MSRA: variants seen among roughly 807,000 people sequenced by gnomAD.
The protein encoded by MSRA is mitochondrial peptide methionine sulfoxide reductase.
Under a neutral mutation model 31.3 loss-of-function variants are expected in MSRA, and 54 were observed. That is an observed-to-expected ratio of 1.73 (90% CI 1.39 to 2.17). The LOEUF is 2.17. MSRA is among the 30% of genes most tolerant of loss of function. The pLI, the probability that MSRA is intolerant of heterozygous loss-of-function variation, is 0.00. For missense variants in MSRA, 507 were observed against 300.9 expected, an observed-to-expected ratio of 1.69 and a Z score of -5.07; for synonymous variants, 169 against 116.5, an observed-to-expected ratio of 1.45 and a Z score of -2.90.
intron 1 of MSRA, among the ~76,000 whole-genome samples, chr8:10,150,816 G>T (rs893767788): frequency 6.6e-6 from 1 of 152,136 alleles, no homozygotes; most frequent in African/African-American, 2.4e-5. Flanking sequence ...TCCCTTCCCT[G>T]CACTGCCCAG....
chr8:10,242,196 G>A (rs1797366361), intron 2 of MSRA, among the ~76,000 whole-genome samples: 1 of 151,936 alleles, frequency 6.6e-6, no homozygotes, highest in Non-Finnish European at 1.5e-5. Flanking sequence ...GCTTGAACCC[G>A]GGAGGTGGAG....
rs568272283 is a variant in MSRA at position 10,348,798 on chromosome 8, A to G, written c.543+28809A>G. On this transcript the variant is annotated intron_variant, in intron 5 of 5. Coordinates refer to ENST00000317173, the MANE Select transcript of MSRA (RefSeq NM_012331.5). The stretch of plus-strand genomic sequence containing the variant: ...GATAGGTTGGCAGAATTGGGGATCA[A>G]CAGGTATCTGGGATCTGCAGGGTCT... Among the ~76,000 whole-genome samples the G allele has an allele frequency of 2.0e-5, 3 of 152,322 alleles. No homozygotes were observed. In the South Asian group the frequency reaches 6.2e-4, roughly 32 times the overall value.
intron 5 of MSRA, among the ~76,000 whole-genome samples, chr8:10,349,662 C>T (rs1338022379): frequency 6.6e-6 from 1 of 152,238 alleles, no homozygotes. Flanking sequence ...TTCGTCCCCT[C>T]TGTGCCTAGT....
intron 1 of MSRA, among the ~76,000 whole-genome samples, chr8:10,068,086 G>T (rs1292427206): frequency 6.6e-6 from 1 of 151,992 alleles, no homozygotes; most frequent in African/African-American, 2.4e-5. Context: ...GTTTCGCTGT[G>T]TTTGCCAGGC....
chr8:10,178,318 G>A (rs1252039352), intron 1 of MSRA, among the ~76,000 whole-genome samples: 1 of 152,036 alleles, frequency 6.6e-6, no homozygotes, highest in Non-Finnish European at 1.5e-5. Context: ...GGCCGGACAC[G>A]GTGGCTCATG....
At chr8:10,196,032 T>C (rs188375259) in intron 1 of MSRA, among the ~76,000 whole-genome samples, 1 of 152,302 alleles carries the variant, frequency 6.6e-6, no homozygotes, top group Admixed American at 6.5e-5. Flanking sequence ...TCCGATCATT[T>C]ATCACTGTCA....
chr8:10,305,111 A>G (rs1484726468), intron 4 of MSRA, among the ~76,000 whole-genome samples: 2 of 152,216 alleles, frequency 1.3e-5, no homozygotes. Flanking sequence ...TTGTAAAGTC[A>G]TTAAGGACTT....
At chr8:10,309,413 A>C (rs2129130837) in intron 4 of MSRA, among the ~76,000 whole-genome samples, 1 of 152,272 alleles carries the variant, frequency 6.6e-6, no homozygotes, top group South Asian at 2.1e-4. Flanking sequence ...CGTTTCCATC[A>C]CCAGCTGCTG....
chr8:10,167,469 G>A (rs535123177), intron 1 of MSRA, among the ~76,000 whole-genome samples: 47 of 152,310 alleles, frequency 3.1e-4, no homozygotes, highest in African/African-American at 1.1e-3. Flanking sequence ...TTGGGGGGTT[G>A]TTTATCAGCA....
intron 1 of MSRA, among the ~76,000 whole-genome samples, chr8:10,202,159 AG>A (rs1373898855): frequency 5.9e-5 from 9 of 152,244 alleles, no homozygotes; most frequent in Admixed American, 5.9e-4. Flanking sequence ...TTCCCAGGTT[AG>A]CCCACCCTTC....
intron 3 of MSRA, among the ~76,000 whole-genome samples, chr8:10,297,591 T>A (rs1252130393): frequency 9.2e-5 from 14 of 152,186 alleles, no homozygotes; most frequent in Admixed American, 9.2e-4. Flanking sequence ...TGGTTCTGAG[T>A]CCCTTAATCC....
intron 2 of MSRA, among the ~76,000 whole-genome samples, chr8:10,224,159 C>G (rs545587552): frequency 2.0e-5 from 3 of 152,316 alleles, no homozygotes; most frequent in Admixed American, 2.0e-4. Context: ...CAGATAGTAG[C>G]TTCTTCTCCC....
chr8:10,259,105 G>GAA (rs374191943), intron 3 of MSRA, among the ~76,000 whole-genome samples: 106 of 135,052 alleles, frequency 7.8e-4, no homozygotes, highest in Admixed American at 4.6e-3. Flanking sequence ...TCTGTCAAAG[G>GAA]AAAAAAAAAA....
intron 5 of MSRA, among the ~76,000 whole-genome samples, chr8:10,328,027 A>ATTTTTTTTTTTTTTT (rs35940076): frequency 1.2e-4 from 8 of 65,334 alleles, no homozygotes; most frequent in African/African-American, 5.7e-4. Flanking sequence ...CTCTATGGTA[A>ATTTTTTTTTTTTTTT]TTTTTTTTTT....
At chr8:10,246,706 G>C (rs1797640149) in intron 3 of MSRA, among the ~76,000 whole-genome samples, 1 of 152,148 alleles carries the variant, frequency 6.6e-6, no homozygotes, top group African/African-American at 2.4e-5. Flanking sequence ...GTACAACAAT[G>C]AAAATATTAT....
At chr8:10,191,974 C>T (rs1002376476) in intron 1 of MSRA, among the ~76,000 whole-genome samples, 5 of 152,154 alleles carry the variant, frequency 3.3e-5, no homozygotes, top group African/African-American at 7.2e-5. Context: ...GTGTTCCTCA[C>T]GAGGCTGCAG....
At chr8:10,315,846 C>CT (rs1801681092) in intron 4 of MSRA, among the ~76,000 whole-genome samples, 1 of 152,118 alleles carries the variant, frequency 6.6e-6, no homozygotes, top group Non-Finnish European at 1.5e-5. Context: ...AAAAGACATT[C>CT]TAGGACGCAT....
chr8:10,276,535 G>C (rs959068703), intron 3 of MSRA, among the ~76,000 whole-genome samples: 7 of 152,192 alleles, frequency 4.6e-5, no homozygotes, highest in African/African-American at 1.2e-4. Flanking sequence ...AAATTATTTC[G>C]AAAATTGAAG....
chr8:10,094,912 ATTG>A lies in MSRA; in HGVS notation c.142+40257_142+40259del, dbSNP rs1174842317. 5.3e-5 allele frequency among the ~76,000 whole-genome samples: 8 copies of A among 152,286 alleles called. No individual in the cohort carries two copies. The East Asian group carries it at 1.3e-3, about 26-fold the overall frequency. On this transcript the variant is annotated intron_variant, in intron 1 of 5. Transcript: ENST00000317173. ...CCTTAGATGTTTTATTTTCCTTTTT[ATTG>A]TTATTTGTTTTATCAAAAGAACTCT... is the stretch of plus-strand genomic sequence containing the variant.
Sources: gnomAD v4.1 joint callset for allele counts (sites outside exome capture counted in the v4.1 genomes callset) on GRCh38, gnomAD v4.1.1 for gene constraint, MANE v1.5 for transcripts, NCBI Gene and HGNC (gene_info 2026-07-23, HGNC 2026-07-21) for gene names.